CASKIN1: variants seen among roughly 807,000 people sequenced by gnomAD.
CASKIN1 encodes caskin-1.
Under a neutral mutation model 117.5 loss-of-function variants are expected in CASKIN1, and 42 were observed. That is an observed-to-expected ratio of 0.36 (90% CI 0.28 to 0.46). The LOEUF (loss-of-function observed/expected upper bound fraction) is 0.46. Among genes scored for constraint, CASKIN1 ranks in the 20% least tolerant of loss-of-function variants. CASKIN1 has a pLI of 1.00. For synonymous variants in CASKIN1, 1,148 were observed against 961.7 expected (o/e 1.19, Z -3.59); for missense variants, 2,083 against 2,077.3 (o/e 1.00, Z -0.05).
Position 2,196,290 on chromosome 16 carries a change from G to T in CASKIN1, c.94+49C>A. 1 of 913,956 alleles carries T rather than the reference G, an allele frequency of 1.1e-6. No homozygotes were observed. The highest frequency in any genetic ancestry group is 1.4e-6 in the Non-Finnish European group (1 of 725,554). 56.6% of individuals were successfully genotyped at this position (913,956 alleles called of 1,614,324 possible). On this transcript the variant is annotated intron_variant, in intron 1 of 19. Coordinates refer to ENST00000343516, the MANE Select transcript of CASKIN1 (RefSeq NM_020764.4). The surrounding 1 kb of genome is among the most constrained non-coding windows in gnomAD (Gnocchi z 5.7). Reference sequence around the variant, plus strand: ...CGCCGGGTGGGGGGCTCCGCGCCGGGGAGGGGCCCCCGGGGCTCCCACCCG... The same window carrying T: ...CGCCGGGTGGGGGGCTCCGCGCCGGTGAGGGGCCCCCGGGGCTCCCACCCG...
Position 2,180,756 on chromosome 16 carries a change from G to C in CASKIN1, c.2612C>G (p.Ala871Gly), listed in dbSNP as rs775121337. 5 of 1,436,508 alleles carry C rather than the reference G, an allele frequency of 3.5e-6. No homozygotes were observed. Among genetic ancestry groups the C allele is most frequent in the Non-Finnish European group, 4.5e-6 (5 of 1,102,884 alleles). 89.0% of individuals were successfully genotyped at this position (1,436,508 alleles called of 1,614,324 possible). A position where few individuals can be genotyped will look rare whatever the true frequency, so the allele number is the denominator to read the frequency against. The change falls in exon 18 of 20, where the codon GCG becomes GGG. Residue 871 changes from alanine (A) to glycine (G), a missense_variant. Transcript: ENST00000343516. ...PTLCLPPEAD[A>G]EPGRPKKRAH... ...CCGCTTCTTGGGCCGCCCCGGCTCC[G>C]CGTCGGCCTCAGGGGGCAGGCACAG...
chr16:2,189,212 C>T (rs781419685), intron 5 of CASKIN1, 26 bp downstream of exon 5: 1 of 1,612,900 alleles, frequency 6.2e-7, no homozygotes, highest in African/African-American at 1.3e-5. Context: ...CCAGCCCCAC[C>T]CCACAGGGCT....
In CASKIN1 at chr16:2,181,521, C is replaced by A. The variant is rs1479534855; in HGVS notation, c.1847G>T (p.Gly616Val). The A allele has an allele frequency of 6.2e-7, 1 of 1,605,788 alleles. No homozygotes were observed. The highest frequency in any genetic ancestry group is 1.7e-5 in the Admixed American group (1 of 59,230). ...QKAEYAKYEG[G>V]PLRRKAPQSL... is the part of the protein sequence containing the mutation. The stretch of plus-strand genomic sequence containing the variant: ...CTGGGGCGCCTTCCGGCGCAGGGGG[C>A]CCCCCTCATACTTGGCGTATTCAGC... The change falls in exon 18 of 20, where the codon GGC becomes GTC. Residue 616 changes from glycine (G) to valine (V), a missense_variant. Gly to Val is a moderately radical substitution (Grantham distance 109). Coordinates refer to ENST00000343516, the MANE Select transcript of CASKIN1 (RefSeq NM_020764.4).
At chr16:2,178,812 ATCTCTGCCGAGCCCCGCCCATC>A in intron 19 of CASKIN1, 68 bp downstream of exon 19, 2 of 1,291,836 alleles carry the variant, frequency 1.5e-6, no homozygotes, top group East Asian at 6.3e-5. Context: ...AGCCCCGCCC[ATCTCTGCCGAGCCCCGCCCATC>A]TCTGCCGAGC....
chr16:2,189,643 A>G, intron 3 of CASKIN1, 79 bp from the exon 4 acceptor site: 1 of 1,448,036 alleles, frequency 6.9e-7, no homozygotes, highest in Non-Finnish European at 9.2e-7. Context: ...CTGGGACCTG[A>G]CCCCTGACCC....
At chr16:2,195,628 GT>G (rs1338427564) in intron 1 of CASKIN1, among the ~76,000 whole-genome samples, 1 of 152,212 alleles carries the variant, frequency 6.6e-6, no homozygotes, top group East Asian at 1.9e-4. Context: ...GCCAGTGGTG[GT>G]CCCCCACTCC....
In CASKIN1 at chr16:2,195,904, G is replaced by A. The variant is rs181091099; in HGVS notation, c.94+435C>T. Among the ~76,000 whole-genome samples, 257 of 151,956 alleles carry A rather than the reference G, an allele frequency of 1.7e-3. 1 individual carries two copies. Among genetic ancestry groups the A allele is most frequent in the Middle Eastern group, 6.8e-3 (2 of 294 alleles). On this transcript the variant is annotated intron_variant, in intron 1 of 19. Transcript: ENST00000343516. ...GTGGGGCGGGAGGGGGTCTGCTAGG[G>A]ACTGTCACCTCCCGGGTCGCCCCTC...
In CASKIN1 at chr16:2,178,063, C is replaced by A; in HGVS notation, c.*487G>T. 2.1e-6 allele frequency: 1 copy of A among 482,872 alleles called. No individual in the cohort carries two copies. The highest frequency in any genetic ancestry group is 2.7e-5 in the Admixed American group (1 of 36,966). The allele number at this position is 482,872 out of a possible 1,614,324, so 29.9% of individuals were successfully genotyped here. A position where few individuals can be genotyped will look rare whatever the true frequency, so the allele number is the denominator to read the frequency against. The stretch of plus-strand genomic sequence containing the variant: ...TAAATATATATTTGTTAAAGTTATA[C>A]CTTTTTGTTTCTCTGGGGAAATCCG... On this transcript the variant is annotated 3_prime_UTR_variant, in exon 20 of 20. Transcript: ENST00000343516.
At position 2,179,130 on chromosome 16, in the gene CASKIN1, C is replaced by G; in HGVS notation, c.3971G>C (p.Ser1324Thr). The G allele has an allele frequency of 1.9e-6, 2 of 1,028,640 alleles. No individual in the cohort carries two copies. Among genetic ancestry groups the G allele is most frequent in the South Asian group, 8.9e-5 (2 of 22,420 alleles). The allele number at this position is 1,028,640 out of a possible 1,614,324, so 63.7% of individuals were successfully genotyped here. ...GCCGGGGGACGGGGGCTTGGCGGGG[C>G]TGGCGCCCAGCGAGGGCGGCGTACC... ...PPGTPPSLGA[S>T]PAKPPSPGAP... Residue 1324 changes from serine (S) to threonine (T), a missense_variant, in exon 19 of 20, where the codon AGC (serine) becomes ACC (threonine). Ser to Thr is a moderately conservative substitution (Grantham distance 58). Transcript: ENST00000343516. The surrounding 1 kb of genome is among the most constrained non-coding windows in gnomAD (Gnocchi z 5.8).
Position 2,187,889 on chromosome 16 carries a change from G to C in CASKIN1, c.618-428C>G, listed in dbSNP as rs557312097. On this transcript the variant is annotated intron_variant, in intron 6 of 19. Coordinates refer to ENST00000343516, the MANE Select transcript of CASKIN1 (RefSeq NM_020764.4). The stretch of plus-strand genomic sequence containing the variant: ...GTACAGGCGTGCGCCACTGCACCTG[G>C]CCTACTTTTTCTAAGACGGGGTCTC... Among the ~76,000 whole-genome samples, 4 of 151,614 alleles carry C rather than the reference G, an allele frequency of 2.6e-5. No homozygotes were observed. The South Asian group carries it at 8.3e-4, about 32-fold the overall frequency.
intron 13 of CASKIN1, 41 bp downstream of exon 13, chr16:2,184,910 C>A: frequency 6.3e-7 from 1 of 1,580,754 alleles, no homozygotes; most frequent in South Asian, 1.1e-5. Flanking sequence ...TGTCGGGCTG[C>A]TTTCCTCCAT....
intron 1 of CASKIN1, among the ~76,000 whole-genome samples, chr16:2,191,222 C>A (rs1277294502): frequency 1.3e-5 from 2 of 152,160 alleles, no homozygotes; most frequent in East Asian, 3.8e-4. Context: ...TTTGTCCAGG[C>A]CCAGGACAGG....
chr16:2,178,266 T>C lies in CASKIN1; in HGVS notation c.*284A>G, dbSNP rs2093150120. The stretch of plus-strand genomic sequence containing the variant: ...GGCCTGTGCGCTGCCCCATCCCTGG[T>C]CCCGGGGCGCCCTCCCCTCCCGCGC... On this transcript the variant is annotated 3_prime_UTR_variant, in exon 20 of 20. Transcript: ENST00000343516. 2 of 386,500 alleles carry C rather than the reference T, an allele frequency of 5.2e-6. No individual in the cohort carries two copies. The highest frequency in any genetic ancestry group is 2.2e-5 in the African/African-American group (1 of 45,630). 23.9% of individuals were successfully genotyped at this position (386,500 alleles called of 1,614,324 possible).
rs1385385507 is a variant in CASKIN1, at chr16:2,196,455, C to T, written c.-23G>A. 9 of 1,183,998 alleles carry T rather than the reference C, an allele frequency of 7.6e-6. No homozygotes were observed. Among genetic ancestry groups the T allele is most frequent in the East Asian group, 5.1e-5 (1 of 19,616 alleles). 73.3% of individuals were successfully genotyped at this position (1,183,998 alleles called of 1,614,324 possible). Reference sequence around the variant, plus strand: ...CATGGCGCGGCCGGGGCCGCAGCGACGCGGCTGCGCTCGTGAGCTCGGCGC... The same window carrying T: ...CATGGCGCGGCCGGGGCCGCAGCGATGCGGCTGCGCTCGTGAGCTCGGCGC... On this transcript the variant is annotated 5_prime_UTR_variant, in exon 1 of 20. Coordinates refer to ENST00000343516, the MANE Select transcript of CASKIN1 (RefSeq NM_020764.4). The surrounding 1 kb of genome is among the most constrained non-coding windows in gnomAD (Gnocchi z 5.7).
At chr16:2,195,977 G>GTT (rs2093214733) in intron 1 of CASKIN1, among the ~76,000 whole-genome samples, 2 of 151,992 alleles carry the variant, frequency 1.3e-5, no homozygotes, top group African/African-American at 2.4e-5. Context: ...GGTGGGTGGG[G>GTT]GGGGCATCCG....
At chr16:2,183,782 G>T in intron 15 of CASKIN1, 35 bp from the exon 16 acceptor site, 1 of 1,612,002 alleles carries the variant, frequency 6.2e-7, no homozygotes, top group South Asian at 1.1e-5. Context: ...CTAGGGGCTG[G>T]GCCCATCTGT....
chr16:2,178,859 C>T, intron 19 of CASKIN1, 43 bp downstream of exon 19: 1 of 1,346,790 alleles, frequency 7.4e-7, no homozygotes. Flanking sequence ...CCCATCTCTG[C>T]CGAGCCCCGC....
chr16:2,177,561 C>A lies in CASKIN1; in HGVS notation c.*989G>T. Reference sequence around the variant, plus strand: ...GGCGAGAATGACCACACAACACAGCCTTGGACCATGAGCAGAAGCGTCCGT... The same window carrying A: ...GGCGAGAATGACCACACAACACAGCATTGGACCATGAGCAGAAGCGTCCGT... On this transcript the variant is annotated 3_prime_UTR_variant, in exon 20 of 20. Transcript: ENST00000343516. The A allele has an allele frequency of 4.2e-6, 1 of 236,568 alleles. No individual in the cohort carries two copies. Among genetic ancestry groups the A allele is most frequent in the Admixed American group, 5.5e-5 (1 of 18,348 alleles). The allele number at this position is 236,568 out of a possible 1,614,324, so 14.7% of individuals were successfully genotyped here.
intron 15 of CASKIN1, 22 bp from the exon 16 acceptor site, chr16:2,183,769 C>T (rs200033684): frequency 3.0e-5 from 49 of 1,612,926 alleles, no homozygotes; most frequent in African/African-American, 5.3e-5. Flanking sequence ...GGAGGCTTGT[C>T]AGCTAGGGGC....
Sources: allele counts gnomAD v4.1 joint callset (sites outside exome capture counted in the v4.1 genomes callset), GRCh38; gene constraint gnomAD v4.1.1; non-coding constraint Gnocchi (gnomAD v3.1); transcripts MANE v1.5; gene names NCBI Gene and HGNC (gene_info 2026-07-23, HGNC 2026-07-21).